The following NAALADL2 variants were observed in gnomAD, a reference collection of about 807,000 sequenced individuals.
NAALADL2 encodes the protein inactive N-acetylated-alpha-linked acidic dipeptidase-like protein 2.
In NAALADL2, 76 loss-of-function variants were observed where a neutral mutation model predicts 87.2. The ratio of observed to expected loss-of-function variants is 0.87; its 90% CI spans 0.72 to 1.05. The LOEUF (loss-of-function observed/expected upper bound fraction) is 1.05, where lower values mean the gene tolerates loss of function less well. Among genes scored for constraint, NAALADL2 ranks in the 50% least tolerant of loss-of-function variants. The pLI is 0.00. For missense variants in NAALADL2, 1,089 were observed against 945.8 expected, an observed-to-expected ratio of 1.15 and a Z score of -1.99; for synonymous variants, 354 against 331.0, an observed-to-expected ratio of 1.07 and a Z score of -0.75.
intron 13 of NAALADL2, among the ~76,000 whole-genome samples, chr3:175,764,912 G>A (rs1748499532): frequency 6.6e-6 from 1 of 151,950 alleles, no homozygotes; most frequent in African/African-American, 2.4e-5. Flanking sequence ...GTCCCAAAAG[G>A]ACCTCATGTT....
intron 1 of NAALADL2, among the ~76,000 whole-genome samples, chr3:174,541,074 T>G (rs1025295141): frequency 2.0e-5 from 3 of 152,188 alleles, no homozygotes; most frequent in South Asian, 2.1e-4. Context: ...TTTTCTCACA[T>G]TATTTCCTCT....
chr3:175,507,672 C>T (rs1730541590), intron 9 of NAALADL2, among the ~76,000 whole-genome samples: 1 of 152,250 alleles, frequency 6.6e-6, no homozygotes, highest in African/African-American at 2.4e-5. Context: ...GATCTGCCCA[C>T]CTCGGCCTCC....
intron 1 of NAALADL2, among the ~76,000 whole-genome samples, chr3:174,912,960 A>G (rs996976964): frequency 5.3e-5 from 8 of 152,174 alleles, no homozygotes; most frequent in Non-Finnish European, 1.0e-4. Flanking sequence ...GACATTGATG[A>G]TATCTATATT....
chr3:175,473,349 G>T (rs532191534), intron 9 of NAALADL2, among the ~76,000 whole-genome samples: 16 of 151,522 alleles, frequency 1.1e-4, no homozygotes, highest in Admixed American at 9.9e-4. Flanking sequence ...GAAAATGTTT[G>T]CACACTAACA....
At chr3:174,807,037 G>C (rs1315152177) in intron 3 of NAALADL2, among the ~76,000 whole-genome samples, 1 of 152,002 alleles carries the variant, frequency 6.6e-6, no homozygotes, top group Non-Finnish European at 1.5e-5. Flanking sequence ...GAGATTAAGT[G>C]TTTTAAATCT....
chr3:175,075,636 G>A (rs1345932991), intron 1 of NAALADL2, among the ~76,000 whole-genome samples: 1 of 152,100 alleles, frequency 6.6e-6, no homozygotes, highest in Non-Finnish European at 1.5e-5. Flanking sequence ...TATCAATGGA[G>A]GGTTTTCAAC....
chr3:175,204,421 C>T (rs1210373309), intron 2 of NAALADL2, among the ~76,000 whole-genome samples: 4 of 152,026 alleles, frequency 2.6e-5, no homozygotes, highest in South Asian at 2.1e-4. Context: ...ACTGCAAAAT[C>T]GGCATGCAGG....
intron 1 of NAALADL2, among the ~76,000 whole-genome samples, chr3:174,916,981 C>T (rs967973277): frequency 6.6e-6 from 1 of 152,028 alleles, no homozygotes; most frequent in Non-Finnish European, 1.5e-5. Context: ...GTTTTTAGCA[C>T]TATTTCTGCC....
intron 11 of NAALADL2, among the ~76,000 whole-genome samples, chr3:175,732,550 A>G (rs771486991): frequency 6.6e-6 from 1 of 152,160 alleles, no homozygotes; most frequent in Non-Finnish European, 1.5e-5. Context: ...AGAGAGGATT[A>G]AAGGTAATTA....
In NAALADL2 at chr3:175,381,786, T is replaced by C. The variant is rs1285982651; in HGVS notation, c.1090+57461T>C. Among the ~76,000 whole-genome samples the C allele has an allele frequency of 4.6e-5, 7 of 152,216 alleles. No individual in the cohort carries two copies. In the East Asian group the frequency reaches 1.3e-3, roughly 29 times the overall value. On this transcript the variant is annotated intron_variant, in intron 5 of 13. Coordinates refer to ENST00000454872, the MANE Select transcript of NAALADL2 (RefSeq NM_207015.3). ...CAAAGAATAGCTGAGTGTAAGTTTT[T>C]GTGTGACGTGTGTCTCATTGTGGAG...
chr3:175,334,944 G>C (rs1761826952), intron 5 of NAALADL2, among the ~76,000 whole-genome samples: 5 of 152,096 alleles, frequency 3.3e-5, no homozygotes, highest in African/African-American at 1.2e-4. Context: ...TCAGTCATTG[G>C]AAGTGTGCCT....
chr3:174,803,940 G>T (rs774174586), intron 3 of NAALADL2, among the ~76,000 whole-genome samples: 6 of 151,900 alleles, frequency 3.9e-5, no homozygotes, highest in Admixed American at 2.0e-4. Context: ...TAGGATTGTC[G>T]TGGCTATGCG....
chr3:174,571,677 C>T (rs1255812513), intron 2 of NAALADL2, among the ~76,000 whole-genome samples: 1 of 152,140 alleles, frequency 6.6e-6, no homozygotes, highest in Non-Finnish European at 1.5e-5. Context: ...CCACTACTGA[C>T]CCATATCTTT....
At chr3:174,630,715 G>T (rs768665006) in intron 2 of NAALADL2, among the ~76,000 whole-genome samples, 14 of 152,264 alleles carry the variant, frequency 9.2e-5, no homozygotes, top group Non-Finnish European at 2.1e-4. Context: ...TAAGGAATTT[G>T]TCAAAGAGAA....
intron 2 of NAALADL2, among the ~76,000 whole-genome samples, chr3:175,176,350 T>C (rs1735688510): frequency 6.6e-6 from 1 of 152,148 alleles, no homozygotes; most frequent in African/African-American, 2.4e-5. Flanking sequence ...CTGATAGTTC[T>C]GTGAATCTTG....
chr3:175,455,943 A>C (rs1722258846), intron 6 of NAALADL2, among the ~76,000 whole-genome samples: 1 of 152,050 alleles, frequency 6.6e-6, no homozygotes, highest in Admixed American at 6.6e-5. Context: ...TGGGACAAAT[A>C]TTCAATTAAA....
At chr3:175,362,989 T>C (rs971188253) in intron 5 of NAALADL2, among the ~76,000 whole-genome samples, 1 of 147,934 alleles carries the variant, frequency 6.8e-6, no homozygotes, top group African/African-American at 2.5e-5. Flanking sequence ...ACTACCTGTA[T>C]TGACATCTCA....
At chr3:175,673,915 TA>T (rs1266622114) in intron 11 of NAALADL2, among the ~76,000 whole-genome samples, 3 of 152,174 alleles carry the variant, frequency 2.0e-5, no homozygotes, top group African/African-American at 7.2e-5. Context: ...GACATTTTAA[TA>T]AAATAGTATT....
At chr3:175,618,007 C>T (rs1725584055) in intron 10 of NAALADL2, among the ~76,000 whole-genome samples, 1 of 152,182 alleles carries the variant, frequency 6.6e-6, no homozygotes. Context: ...GGATAAGGCT[C>T]ATCCCCTTCC....
Sources: gnomAD v4.1 joint callset for allele counts (sites outside exome capture counted in the v4.1 genomes callset) on GRCh38, gnomAD v4.1.1 for gene constraint, MANE v1.5 for transcripts, NCBI Gene and HGNC (gene_info 2026-07-23, HGNC 2026-07-21) for gene names.